The following GPD2 variants were observed in gnomAD, a reference collection of about 807,000 sequenced individuals.
GPD2 encodes the protein glycerol-3-phosphate dehydrogenase 2.
Under a neutral mutation model 82.4 loss-of-function variants are expected in GPD2, and 54 were observed. The ratio of observed to expected loss-of-function variants is 0.66; its 90% CI spans 0.53 to 0.82. GPD2 has a LOEUF of 0.82. Among genes scored for constraint, GPD2 ranks in the 40% least tolerant of loss-of-function variants. The pLI is 0.00. For synonymous variants in GPD2, 288 were observed against 306.1 expected (o/e 0.94, Z 0.62); for missense variants, 748 against 896.2 (o/e 0.83, Z 2.11).
chr2:156,429,753 A>G, the GPD2 span, among the ~76,000 whole-genome samples: 5 of 152,174 alleles, frequency 3.3e-5, no homozygotes, highest in Admixed American at 1.3e-4. Flanking sequence ...ACTGACATGG[A>G]AAGATTTTCT....
At chr2:156,522,361 C>G (rs1685441294) in intron 6 of GPD2, among the ~76,000 whole-genome samples, 1 of 152,148 alleles carries the variant, frequency 6.6e-6, no homozygotes. Flanking sequence ...AGCTTAAAGA[C>G]AGTGCTAAAA....
chr2:156,563,198 T>G (rs1687239094), intron 9 of GPD2, among the ~76,000 whole-genome samples: 2 of 152,176 alleles, frequency 1.3e-5, no homozygotes, highest in South Asian at 4.1e-4. Flanking sequence ...TATAAAAAGT[T>G]TAGAGAATGC....
chr2:156,516,958 G>C (rs905896688), intron 6 of GPD2, among the ~76,000 whole-genome samples: 7 of 152,152 alleles, frequency 4.6e-5, no homozygotes, highest in African/African-American at 1.7e-4. Context: ...GCTGTAAGAG[G>C]TTTCCTCTGA....
At chr2:156,427,418 A>C in the GPD2 span, among the ~76,000 whole-genome samples, 10 of 152,196 alleles carry the variant, frequency 6.6e-5, no homozygotes, top group Non-Finnish European at 1.3e-4. Flanking sequence ...ATTATACTGT[A>C]ATTTTTTTCA....
chr2:156,561,597 G>A (rs1223091253), intron 9 of GPD2, among the ~76,000 whole-genome samples: 2 of 152,118 alleles, frequency 1.3e-5, no homozygotes, highest in African/African-American at 4.8e-5. Context: ...TTAAACTAGA[G>A]GAGGTTTCCT....
intron 1 of GPD2, among the ~76,000 whole-genome samples, chr2:156,440,916 AC>A (rs1382158260): frequency 6.6e-6 from 1 of 152,174 alleles, no homozygotes; most frequent in African/African-American, 2.4e-5. Context: ...TCTTGGTAGA[AC>A]CCTAGATAGC....
chr2:156,427,831 C>T, the GPD2 span, among the ~76,000 whole-genome samples: 9 of 152,160 alleles, frequency 5.9e-5, no homozygotes, highest in African/African-American at 2.2e-4. Flanking sequence ...GGCTGCACTC[C>T]TTCTGGAGAC....
At chr2:156,444,478 C>T (rs1381899419) in intron 1 of GPD2, among the ~76,000 whole-genome samples, 1 of 152,024 alleles carries the variant, frequency 6.6e-6, no homozygotes, top group Non-Finnish European at 1.5e-5. Flanking sequence ...TTTGGGAGGC[C>T]GAGGCAGGTG....
chr2:156,486,631 G>A (rs1047970936), intron 2 of GPD2, among the ~76,000 whole-genome samples: 2 of 152,152 alleles, frequency 1.3e-5, no homozygotes, highest in South Asian at 2.1e-4. Context: ...TGCTAGGAAA[G>A]CATCTTCTAG....
chr2:156,404,686 CAAAAAAA>C, the GPD2 span, among the ~76,000 whole-genome samples: 9 of 64,386 alleles, frequency 1.4e-4, no homozygotes, highest in African/African-American at 1.9e-4. Context: ...TTAAAAATAC[CAAAAAAA>C]AAAAAAAAAA....
chr2:156,441,575 T>G (rs1471897887), intron 1 of GPD2, among the ~76,000 whole-genome samples: 1 of 151,990 alleles, frequency 6.6e-6, no homozygotes, highest in Non-Finnish European at 1.5e-5. Flanking sequence ...AGAAAAAAGA[T>G]AAAAAAGTAA....
chr2:156,493,958 G>GTGTGTGTGTATA (rs60643688), intron 2 of GPD2, among the ~76,000 whole-genome samples: 25 of 143,520 alleles, frequency 1.7e-4, no homozygotes, highest in East Asian at 8.4e-4. Context: ...GTGTGTGTGT[G>GTGTGTGTGTATA]TATAATTTTT....
chr2:156,509,604 T>C (rs1251988027), intron 3 of GPD2, among the ~76,000 whole-genome samples: 2 of 152,036 alleles, frequency 1.3e-5, no homozygotes, highest in Non-Finnish European at 2.9e-5. Flanking sequence ...CTTGTAGTAC[T>C]GATGGTCATC....
At chr2:156,546,014 T>C (rs556778447) in intron 6 of GPD2, among the ~76,000 whole-genome samples, 7 of 152,356 alleles carry the variant, frequency 4.6e-5, no homozygotes, top group African/African-American at 1.7e-4. Context: ...TTCATTCTTT[T>C]TGGTGGGTAG....
intron 1 of GPD2, among the ~76,000 whole-genome samples, chr2:156,442,740 A>G (rs1212363440): frequency 2.0e-5 from 3 of 152,218 alleles, no homozygotes; most frequent in Admixed American, 2.0e-4. Context: ...CCGAGGCTGC[A>G]GTGAGCCATG....
chr2:156,513,544 C>G (rs1429670312), intron 6 of GPD2, 48 bp downstream of exon 6: 2 of 1,408,118 alleles, frequency 1.4e-6, no homozygotes, highest in Non-Finnish European at 2.0e-6. Context: ...TTTTCTCTCA[C>G]TCATGACCCG....
intron 1 of GPD2, among the ~76,000 whole-genome samples, chr2:156,447,389 C>A (rs1682405280): frequency 6.6e-6 from 1 of 151,906 alleles, no homozygotes. Context: ...GGCTGGATTG[C>A]AGTAGCACAA....
rs1687902528 is a variant in GPD2 at position 156,578,424 on chromosome 2, C to T, written c.1768-465C>T. On this transcript the variant is annotated intron_variant, in intron 13 of 16. Transcript: ENST00000438166. ...AAGAATTTGATCCTGTAGATTTTGT[C>T]GGTCAGTTTCTGTGTAAGAATACTC... is the stretch of plus-strand genomic sequence containing the variant. Among the ~76,000 whole-genome samples the T allele has an allele frequency of 4.0e-5, 6 of 150,962 alleles. No individual in the cohort carries two copies. The South Asian group carries it at 8.3e-4, about 21-fold the overall frequency.
intron 1 of GPD2, among the ~76,000 whole-genome samples, chr2:156,438,391 A>G (rs944921401): frequency 3.9e-5 from 6 of 152,214 alleles, no homozygotes; most frequent in African/African-American, 1.4e-4. Flanking sequence ...CTTATACTCA[A>G]GTAGGAAAAT....
Sources: gnomAD v4.1 joint callset for allele counts (sites outside exome capture counted in the v4.1 genomes callset) on GRCh38, gnomAD v4.1.1 for gene constraint, MANE v1.5 for transcripts, NCBI Gene and HGNC (gene_info 2026-07-23, HGNC 2026-07-21) for gene names.